LIFR: variants seen among roughly 807,000 people sequenced by gnomAD.
The protein encoded by LIFR is leukemia inhibitory factor receptor.
LIFR carries 84 observed loss-of-function variants against 122.2 expected under a neutral mutation model. The ratio of observed to expected loss-of-function variants is 0.69; its 90% CI spans 0.58 to 0.82. The LOEUF is 0.82. Ranked by LOEUF, LIFR falls within the 40% of genes least tolerant of loss-of-function variation. The pLI is 0.00. For missense variants in LIFR, 1,294 were observed against 1,311.6 expected, an observed-to-expected ratio of 0.99 and a Z score of 0.21; for synonymous variants, 422 against 434.7, an observed-to-expected ratio of 0.97 and a Z score of 0.36.
upstream of LIFR, chr5:38,558,760 A>G (rs1036064529): frequency 6.6e-6 from 1 of 152,236 alleles, no homozygotes; most frequent in Non-Finnish European, 1.5e-5. Context: ...GGAACTTGCC[A>G]AACACAAAAC....
rs778953608 is a variant in LIFR at position 38,490,257 on chromosome 5, G to GA, written c.2099dup (p.Leu701ProfsTer33). On this transcript the variant is annotated frameshift_variant, in exon 15 of 20. Coordinates refer to ENST00000453190, the MANE Select transcript of LIFR (RefSeq NM_001127671.2). LOFTEE classifies it high-confidence loss of function. ...ATCCTTGATTTCTGCATCCATACAG[G>GA]AAAAAATTATATCTTATACCTGGTC... 2 of 1,575,816 alleles carry GA rather than the reference G, an allele frequency of 1.3e-6. No homozygotes were observed. The highest frequency in any genetic ancestry group is 1.7e-5 in the Admixed American group (1 of 59,388).
chr5:38,550,938 T>G (rs1264170923), intron 1 of LIFR, among the ~76,000 whole-genome samples: 1 of 152,214 alleles, frequency 6.6e-6, no homozygotes, highest in East Asian at 1.9e-4. Context: ...TTTACTTGAT[T>G]TTTGTTTAAG....
chr5:38,523,717 A>G, intron 4 of LIFR, 135 bp from the exon 5 acceptor site: 1 of 723,548 alleles, frequency 1.4e-6, no homozygotes, highest in East Asian at 2.6e-5. Context: ...TTTAAAAGGA[A>G]ACTCTAGAAC....
intron 1 of LIFR, among the ~76,000 whole-genome samples, chr5:38,570,072 A>G (rs974278367): frequency 1.3e-5 from 2 of 152,174 alleles, no homozygotes; most frequent in African/African-American, 4.8e-5. Context: ...GACCCATACT[A>G]TCTTGATTCC....
chr5:38,564,928 C>CAT (rs1748969508), intron 1 of LIFR, among the ~76,000 whole-genome samples: 1 of 152,040 alleles, frequency 6.6e-6, no homozygotes, highest in African/African-American at 2.4e-5. Context: ...CGCCTGCCAC[C>CAT]ATGCCTGGCT....
rs767262822 is a variant in LIFR at position 38,510,714 on chromosome 5, T to C, written c.741A>G (p.Ile247Met). ...DWSPVKNISW[I>M]PDSQTKVFPQ... ...GAAAAACCTTAGTCTGAGAATCAGG[T>C]ATCCCTAGAAAGAAAAAGAGGAATT... is the stretch of plus-strand genomic sequence containing the variant. The change falls in exon 7 of 20, where the codon ATA (isoleucine) becomes ATG (methionine). Residue 247 changes from isoleucine to methionine, a missense_variant. Physicochemically the swap from Ile to Met is conservative, Grantham distance 10. Transcript: ENST00000453190. 1.2e-6 allele frequency: 2 copies of C among 1,609,528 alleles called. No individual in the cohort carries two copies. Among genetic ancestry groups the C allele is most frequent in the East Asian group, 2.2e-5 (1 of 44,834 alleles).
At chr5:38,528,083 A>C (rs552847991) in intron 3 of LIFR, among the ~76,000 whole-genome samples, 43 of 152,188 alleles carry the variant, frequency 2.8e-4, no homozygotes, top group Non-Finnish European at 5.9e-4. Flanking sequence ...AAAACACCTG[A>C]ATTCTCCAAA....
At chr5:38,563,584 G>A (rs1182857223) in intron 1 of LIFR, among the ~76,000 whole-genome samples, 1 of 152,200 alleles carries the variant, frequency 6.6e-6, no homozygotes, top group Non-Finnish European at 1.5e-5. Context: ...TGATTTAGAA[G>A]ATGTTGGCTA....
rs118002954 is a variant in LIFR, at chr5:38,588,109, C to G, written c.-20+7152G>C. The stretch of plus-strand genomic sequence containing the variant: ...ATTGGAGGTTGTGAGGGAAACCATT[C>G]TCTCATTAGCAAAATCCCCAATATT... On this transcript the variant is annotated intron_variant, in intron 1 of 19. Coordinates refer to the LIFR transcript ENST00000263409. Among the ~76,000 whole-genome samples, 288 of 152,358 alleles carry G rather than the reference C, an allele frequency of 1.9e-3. 9 individuals are homozygous for G. In the East Asian group the frequency reaches 0.042, roughly 22 times the overall value.
At chr5:38,556,984 G>C (rs1008913412), upstream of LIFR, 6 of 152,202 alleles carry the variant, frequency 3.9e-5, no homozygotes, top group Non-Finnish European at 8.8e-5. Flanking sequence ...GGAGGACCGC[G>C]CCTCCCCGAA....
At chr5:38,579,800 G>A (rs778729465) in intron 1 of LIFR, among the ~76,000 whole-genome samples, 4 of 152,146 alleles carry the variant, frequency 2.6e-5, no homozygotes, top group African/African-American at 4.8e-5. Context: ...AGCTATTCGT[G>A]TGTTTTTAAA....
At chr5:38,561,971 A>T (rs1156836556) in intron 1 of LIFR, among the ~76,000 whole-genome samples, 2 of 152,120 alleles carry the variant, frequency 1.3e-5, no homozygotes, top group Non-Finnish European at 2.9e-5. Context: ...GAGACCTCTT[A>T]TACTCTTGGG....
chr5:38,482,921 CAAGT>C (rs1159341647), intron 18 of LIFR, among the ~76,000 whole-genome samples: 9 of 152,110 alleles, frequency 5.9e-5, no homozygotes, highest in Non-Finnish European at 1.2e-4. Context: ...AAATGGAAAG[CAAGT>C]AATTAAAATT....
intron 2 of LIFR, among the ~76,000 whole-genome samples, chr5:38,605,481 G>T (rs1442065497): frequency 6.6e-6 from 1 of 152,102 alleles, no homozygotes; most frequent in African/African-American, 2.4e-5. Flanking sequence ...AAAATTAAAT[G>T]AGTTGCTATT....
At chr5:38,541,637 TTC>T (rs1747598288) in intron 1 of LIFR, among the ~76,000 whole-genome samples, 1 of 152,178 alleles carries the variant, frequency 6.6e-6, no homozygotes, top group Non-Finnish European at 1.5e-5. Flanking sequence ...TATCAAAAAC[TTC>T]TGTTTTTCTT....
At chr5:38,562,463 C>T (rs1748872054) in intron 1 of LIFR, among the ~76,000 whole-genome samples, 1 of 152,158 alleles carries the variant, frequency 6.6e-6, no homozygotes, top group South Asian at 2.1e-4. Context: ...TTGATGCTAC[C>T]TTCTTTCTTA....
intron 5 of LIFR, among the ~76,000 whole-genome samples, chr5:38,512,536 A>G (rs749508615): frequency 2.0e-5 from 3 of 152,158 alleles, no homozygotes; most frequent in Non-Finnish European, 4.4e-5. Context: ...GCAACTCAGG[A>G]GGCTGAGGTG....
chr5:38,512,293 A>G (rs1289135327), intron 5 of LIFR, among the ~76,000 whole-genome samples: 1 of 152,082 alleles, frequency 6.6e-6, no homozygotes, highest in Non-Finnish European at 1.5e-5. Context: ...ATTGCATTAT[A>G]TACTTCTCAG....
chr5:38,556,315 A>C lies in LIFR; in HGVS notation c.-20+19T>G, dbSNP rs967525728. On this transcript the variant is annotated intron_variant, in intron 1 of 19. Coordinates refer to ENST00000453190, the MANE Select transcript of LIFR (RefSeq NM_001127671.2). ...GGCTCCCCTGCTCCGCGCCGCGCCCACCCGCCCCCAGGACTCACGGTACGC... is the reference window on the plus strand; with the variant it reads ...GGCTCCCCTGCTCCGCGCCGCGCCCCCCCGCCCCCAGGACTCACGGTACGC... 6.8e-6 allele frequency: 1 copy of C among 147,352 alleles called. No homozygotes were observed. The highest frequency in any genetic ancestry group is 1.5e-5 in the Non-Finnish European group (1 of 66,692). 9.1% of individuals were successfully genotyped at this position (147,352 alleles called of 1,614,324 possible).
Sources: allele counts gnomAD v4.1 joint callset (sites outside exome capture counted in the v4.1 genomes callset), GRCh38; gene constraint gnomAD v4.1.1; transcripts MANE v1.5; gene names NCBI Gene and HGNC (gene_info 2026-07-23, HGNC 2026-07-21).